Variants in MYO1H observed in about 807,000 individuals in gnomAD.
MYO1H encodes myosin IH.
In MYO1H, 118 loss-of-function variants were observed where a neutral mutation model predicts 149.3. The ratio of observed to expected loss-of-function variants is 0.79; its 90% CI spans 0.68 to 0.92. The LOEUF (loss-of-function observed/expected upper bound fraction) is 0.92. Ranked by LOEUF, MYO1H falls within the 40% of genes least tolerant of loss-of-function variation. The pLI, the probability that MYO1H is intolerant of heterozygous loss-of-function variation, is 0.00. For missense variants in MYO1H, 1,212 were observed against 1,280.7 expected (o/e 0.95, Z 0.82); for synonymous variants, 447 against 465.2 (o/e 0.96, Z 0.50).
chr12:109,358,988 G>A lies in MYO1H; in HGVS notation c.12+11016G>A, dbSNP rs533950051. 1.8e-3 allele frequency among the ~76,000 whole-genome samples: 271 copies of A among 152,022 alleles called. 4 individuals are homozygous for A. The highest frequency in any genetic ancestry group is 6.3e-3 in the African/African-American group (263 of 41,436). The stretch of plus-strand genomic sequence containing the variant: ...GGAATATACACCCAGCCCATCAGGA[G>A]TTGGCCTGTGGTCCCTCGCTGATGT... On this transcript the variant is annotated intron_variant, in intron 1 of 31. Coordinates refer to ENST00000310903, the Ensembl canonical transcript of MYO1H.
chr12:109,390,035 C>A (rs1041251802), intron 2 of MYO1H, among the ~76,000 whole-genome samples: 8 of 152,092 alleles, frequency 5.3e-5, no homozygotes, highest in African/African-American at 1.9e-4. Context: ...ATGACAGGAT[C>A]ATTGCGATTA....
chr12:109,330,846 TGTC>T, the MYO1H span, among the ~76,000 whole-genome samples: 5 of 152,334 alleles, frequency 3.3e-5, no homozygotes, highest in African/African-American at 1.2e-4. Flanking sequence ...ACTTTACAGT[TGTC>T]GTCTTGTGTC....
At chr12:109,384,994 T>C (rs949808870) in intron 1 of MYO1H, among the ~76,000 whole-genome samples, 5 of 152,246 alleles carry the variant, frequency 3.3e-5, no homozygotes, top group Non-Finnish European at 7.3e-5. Context: ...TTATTGATAC[T>C]AATGATGACA....
intron 19 of MYO1H, among the ~76,000 whole-genome samples, chr12:109,428,616 A>T (rs2135584543): frequency 6.6e-6 from 1 of 152,362 alleles, no homozygotes; most frequent in African/African-American, 2.4e-5. Flanking sequence ...ATGGTTGAAT[A>T]GCAGAAATTT....
At chr12:109,446,022 C>T in intron 31 of MYO1H, 2 of 985,330 alleles carry the variant, frequency 2.0e-6, no homozygotes, top group Non-Finnish European at 2.4e-6. Flanking sequence ...GCTTAGGCTT[C>T]AGGATGCAAG....
chr12:109,320,862 G>A, the MYO1H span, among the ~76,000 whole-genome samples: 1 of 151,962 alleles, frequency 6.6e-6, no homozygotes, highest in Non-Finnish European at 1.5e-5. Flanking sequence ...GGCCGAGGCG[G>A]GTGGATCACG....
chr12:109,342,973 G>A (rs1393332932), upstream of MYO1H, among the ~76,000 whole-genome samples: 2 of 151,904 alleles, frequency 1.3e-5, no homozygotes, highest in South Asian at 4.1e-4. Context: ...ATCCCAGCAC[G>A]TTGGGAGGCC....
intron 16 of MYO1H, among the ~76,000 whole-genome samples, chr12:109,423,858 G>A (rs1231657707): frequency 6.6e-6 from 1 of 151,404 alleles, no homozygotes; most frequent in Non-Finnish European, 1.5e-5. Flanking sequence ...TATTTTTCTG[G>A]TAAAGAATTA....
At chr12:109,404,304 C>T (rs1181562399) in intron 7 of MYO1H, among the ~76,000 whole-genome samples, 1 of 152,038 alleles carries the variant, frequency 6.6e-6, no homozygotes, top group Non-Finnish European at 1.5e-5. Context: ...ATGGTGAAAC[C>T]CTGTCTGTAC....
intron 1 of MYO1H, chr12:109,353,979 G>A (rs1053471350): frequency 3.9e-5 from 6 of 152,032 alleles, no homozygotes; most frequent in African/African-American, 1.4e-4. Context: ...CTGAGCAGTG[G>A]GATTATGAAT....
At chr12:109,445,645 G>A (rs567375781) in intron 31 of MYO1H, 33 bp downstream of exon 31, 17 of 1,594,998 alleles carry the variant, frequency 1.1e-5, no homozygotes, top group South Asian at 3.4e-5. Context: ...GAAGTAAGCC[G>A]TTTTAGATGA....
At chr12:109,360,048 G>A (rs557696515) in intron 1 of MYO1H, among the ~76,000 whole-genome samples, 1 of 152,242 alleles carries the variant, frequency 6.6e-6, no homozygotes, top group Non-Finnish European at 1.5e-5. Context: ...TTAGGAACAA[G>A]CAAGAGGTCC....
chr12:109,393,786 T>C (rs1373095112), intron 3 of MYO1H, among the ~76,000 whole-genome samples: 1 of 152,222 alleles, frequency 6.6e-6, no homozygotes. Flanking sequence ...AAGTAAGTAT[T>C]CCAAAGTAGT....
At chr12:109,350,634 C>A (rs139388079) in intron 1 of MYO1H, among the ~76,000 whole-genome samples, 1,756 of 152,276 alleles carry the variant, frequency 0.012, 38 homozygotes, top group African/African-American at 0.04. Context: ...ATAAAGCTCC[C>A]TGTCAGATAA....
At chr12:109,346,686 T>TG (rs930033595), upstream of MYO1H, among the ~76,000 whole-genome samples, 8 of 151,844 alleles carry the variant, frequency 5.3e-5, no homozygotes, top group South Asian at 1.0e-3. Context: ...CACTTGAACC[T>TG]GGGGGGCGGA....
At chr12:109,354,081 A>G (rs1256050788) in intron 1 of MYO1H, 1 of 152,194 alleles carries the variant, frequency 6.6e-6, no homozygotes, top group African/African-American at 2.4e-5. Flanking sequence ...CATTTTAAAG[A>G]GTTTTAGGGG....
chr12:109,418,713 T>C (rs1592807120), intron 15 of MYO1H, among the ~76,000 whole-genome samples: 2 of 152,098 alleles, frequency 1.3e-5, no homozygotes, highest in South Asian at 4.2e-4. Context: ...CCGGCTAGTT[T>C]TTTGTATTTT....
rs779034899 is a variant in MYO1H, at chr12:109,409,555, A to C, written c.1156-2A>C. 1 of 1,613,478 alleles carries C rather than the reference A, an allele frequency of 6.2e-7. No individual in the cohort carries two copies. The highest frequency in any genetic ancestry group is 8.5e-7 in the Non-Finnish European group (1 of 1,179,434). Reference sequence around the variant, plus strand: ...ATGAATGGGGTGTGTTATTTTGACCAGGATTTCACCAGGAAAACTGTAATT... The same window carrying C: ...ATGAATGGGGTGTGTTATTTTGACCCGGATTTCACCAGGAAAACTGTAATT... On this transcript the variant is annotated splice_acceptor_variant, in intron 10 of 31. Coordinates refer to ENST00000310903, the Ensembl canonical transcript of MYO1H. LOFTEE classifies it high-confidence loss of function.
intron 1 of MYO1H, among the ~76,000 whole-genome samples, chr12:109,360,468 CTCTCTT>C (rs1217590411): frequency 1.3e-5 from 2 of 152,314 alleles, no homozygotes; most frequent in African/African-American, 4.8e-5. Context: ...GTCTCTCTCT[CTCTCTT>C]CACTAATAAT....
Sources: allele counts gnomAD v4.1 joint callset (sites outside exome capture counted in the v4.1 genomes callset), GRCh38; gene constraint gnomAD v4.1.1; transcripts MANE v1.5; gene names NCBI Gene and HGNC (gene_info 2026-07-23, HGNC 2026-07-21).